OSBPL9: variants seen among roughly 807,000 people sequenced by gnomAD.
The protein encoded by OSBPL9 is oxysterol binding protein like 9.
In OSBPL9, 40 loss-of-function variants were observed where a neutral mutation model predicts 106.6. The observed-to-expected ratio is 0.38, with a 90% CI of 0.29 to 0.49. OSBPL9 has a LOEUF of 0.49. Among genes scored for constraint, OSBPL9 ranks in the 20% least tolerant of loss-of-function variants. The probability of loss-of-function intolerance (pLI) is 0.97; values close to 1 mark genes in which losing one functional copy is unlikely to be tolerated. For synonymous variants in OSBPL9, 269 were observed against 295.4 expected (o/e 0.91, Z 0.92); for missense variants, 609 against 887.2 (o/e 0.69, Z 3.98).
intron 1 of OSBPL9, among the ~76,000 whole-genome samples, chr1:51,649,474 T>C (rs1432074409): frequency 6.6e-6 from 1 of 152,212 alleles, no homozygotes; most frequent in Non-Finnish European, 1.5e-5. Flanking sequence ...TACTCTCCTA[T>C]GAATAGGAAA....
chr1:51,717,008 TCTCA>T (rs1309783848), intron 4 of OSBPL9, among the ~76,000 whole-genome samples: 4 of 151,636 alleles, frequency 2.6e-5, no homozygotes, highest in Non-Finnish European at 5.9e-5. Flanking sequence ...TTTGACAGAG[TCTCA>T]CTCATTGCAG....
intron 8 of OSBPL9, among the ~76,000 whole-genome samples, chr1:51,755,667 A>T (rs1244080274): frequency 6.6e-6 from 1 of 152,220 alleles, no homozygotes; most frequent in Non-Finnish European, 1.5e-5. Context: ...GCCCAACTGT[A>T]GGCTAATGTA....
chr1:51,716,081 C>T (rs1255453100), intron 4 of OSBPL9, among the ~76,000 whole-genome samples: 1 of 152,178 alleles, frequency 6.6e-6, no homozygotes, highest in Non-Finnish European at 1.5e-5. Context: ...AAGAAGAGAG[C>T]TTGTATGTCT....
the OSBPL9 span, chr1:51,518,556 G>A: frequency 1.3e-5 from 2 of 152,792 alleles, no homozygotes; most frequent in African/African-American, 2.4e-5. Flanking sequence ...GAGGCTGAAC[G>A]GAGGAAGGGG....
At chr1:51,777,228 A>G (rs1047771577) in intron 15 of OSBPL9, among the ~76,000 whole-genome samples, 3 of 152,238 alleles carry the variant, frequency 2.0e-5, no homozygotes, top group East Asian at 1.9e-4. Context: ...TATTTGTACT[A>G]TATCCTAATG....
chr1:51,710,332 T>C (rs1659542973), intron 3 of OSBPL9, among the ~76,000 whole-genome samples: 1 of 152,244 alleles, frequency 6.6e-6, no homozygotes, highest in South Asian at 2.1e-4. Context: ...TTTGTAATTA[T>C]GTTCTGTGTT....
chr1:51,682,006 A>T (rs1197704568), intron 3 of OSBPL9, among the ~76,000 whole-genome samples: 1 of 152,100 alleles, frequency 6.6e-6, no homozygotes, highest in Non-Finnish European at 1.5e-5. Context: ...GTTCGAAACC[A>T]GCCTGGGCAA....
chr1:51,699,766 C>T (rs1656841066), intron 3 of OSBPL9, among the ~76,000 whole-genome samples: 1 of 152,102 alleles, frequency 6.6e-6, no homozygotes, highest in Non-Finnish European at 1.5e-5. Context: ...AGTGTTATGG[C>T]TCCCAGGCCC....
chr1:51,613,505 T>C (rs1173545296), upstream of OSBPL9, among the ~76,000 whole-genome samples: 1 of 152,168 alleles, frequency 6.6e-6, no homozygotes, highest in Non-Finnish European at 1.5e-5. Flanking sequence ...AATGTGGAGA[T>C]TAAAATACTC....
At chr1:51,608,847 G>A (rs1171315291) in intron 2 of OSBPL9, among the ~76,000 whole-genome samples, 2 of 151,570 alleles carry the variant, frequency 1.3e-5, no homozygotes, top group African/African-American at 4.9e-5. Flanking sequence ...AGGCTGCTGA[G>A]AATTGCTGGG....
intron 1 of OSBPL9, among the ~76,000 whole-genome samples, chr1:51,643,875 G>A (rs754626802): frequency 6.6e-5 from 10 of 151,708 alleles, no homozygotes; most frequent in South Asian, 4.2e-4. Flanking sequence ...GAGCCCAGGC[G>A]TTTGAGGCAG....
chr1:51,658,154 A>G (rs191846410), intron 2 of OSBPL9, among the ~76,000 whole-genome samples: 104 of 151,928 alleles, frequency 6.8e-4, no homozygotes, highest in Non-Finnish European at 1.2e-3. Flanking sequence ...AAACAAATAC[A>G]GGGCATGTAT....
At position 51,729,765 on chromosome 1, in the gene OSBPL9, A is replaced by C; in HGVS notation, c.318+15686A>C. On this transcript the variant is annotated intron_variant, in intron 4 of 23. Transcript: ENST00000428468. This position sits in a 1 kb window ranked among gnomAD's most constrained non-coding sequence, Gnocchi z 5.1. ...TTGCCAGGAGCCGCCAGGGCCAGCC[A>C]ATCGGGGCGACCCCTCCGCCGGGGA... 1 of 1,185,666 alleles carries C rather than the reference A, an allele frequency of 8.4e-7. No homozygotes were observed. Among genetic ancestry groups the C allele is most frequent in the Non-Finnish European group, 1.1e-6 (1 of 941,836 alleles). The allele number at this position is 1,185,666 out of a possible 1,614,324, so 73.4% of individuals were successfully genotyped here. A position where few individuals can be genotyped will look rare whatever the true frequency, so the allele number is the denominator to read the frequency against.
chr1:51,524,693 G>A, the OSBPL9 span, among the ~76,000 whole-genome samples: 1 of 152,148 alleles, frequency 6.6e-6, no homozygotes, highest in Admixed American at 6.5e-5. Flanking sequence ...TATTTATTGA[G>A]TACTATACAG....
intron 4 of OSBPL9, chr1:51,740,014 C>T: frequency 9.5e-7 from 1 of 1,053,406 alleles, no homozygotes; most frequent in Non-Finnish European, 1.3e-6. Flanking sequence ...TTGCCACTTG[C>T]TGCTCATGTA....
rs1676301128 is a variant in OSBPL9 at position 51,781,181 on chromosome 1, A to T, written c.1274A>T (p.Asp425Val). ...CCTTGCAGCATTAGTGACCAGAAGGATCCCAAGGATCGAATGGTTCAGGTT... is the reference window on the plus strand; with the variant it reads ...CCTTGCAGCATTAGTGACCAGAAGGTTCCCAAGGATCGAATGGTTCAGGTT... ...DLFVSISDQKDPKDRMVQVVK... is the reference protein window; with the variant it reads ...DLFVSISDQKVPKDRMVQVVK... Residue 425 changes from aspartate to valine, a missense_variant, in exon 16 of 24, where the codon GAT (aspartate) becomes GTT (valine). Physicochemically the swap from Asp to Val is radical, Grantham distance 152. This residue lies in a region of OSBPL9 where 356 missense variants were observed against 505.8 expected (regional missense o/e 0.70). Coordinates refer to ENST00000428468, the MANE Select transcript of OSBPL9 (RefSeq NM_024586.6). 1 of 1,613,980 alleles carries T rather than the reference A, an allele frequency of 6.2e-7. No homozygotes were observed. Among genetic ancestry groups the T allele is most frequent in the African/African-American group, 1.3e-5 (1 of 74,906 alleles).
chr1:51,751,887 C>A (rs1669325559), intron 8 of OSBPL9, among the ~76,000 whole-genome samples: 1 of 152,178 alleles, frequency 6.6e-6, no homozygotes, highest in African/African-American at 2.4e-5. Flanking sequence ...CTTAATAAAA[C>A]TACGTTTTAG....
At chr1:51,783,241 C>T (rs1340414907) in intron 17 of OSBPL9, among the ~76,000 whole-genome samples, 2 of 152,030 alleles carry the variant, frequency 1.3e-5, no homozygotes, top group Admixed American at 6.6e-5. Context: ...AATGCAGTGG[C>T]ACAATCATAG....
chr1:51,530,373 G>A, the OSBPL9 span, among the ~76,000 whole-genome samples: 2 of 151,752 alleles, frequency 1.3e-5, no homozygotes, highest in Admixed American at 6.6e-5. Flanking sequence ...ACAATCCAAG[G>A]AATGGGAGAA....
Sources: gnomAD v4.1 joint callset for allele counts (sites outside exome capture counted in the v4.1 genomes callset) on GRCh38, gnomAD v4.1.1 for gene constraint, gnomAD v4.1.1 regional missense constraint, Gnocchi (gnomAD v3.1) non-coding constraint, MANE v1.5 for transcripts, NCBI Gene and HGNC (gene_info 2026-07-23, HGNC 2026-07-21) for gene names.